Variants in RNF111 observed in about 807,000 individuals in gnomAD.
The protein encoded by RNF111 is E3 ubiquitin-protein ligase Arkadia.
RNF111 carries 17 observed loss-of-function variants against 95.1 expected under a neutral mutation model. That is an observed-to-expected ratio of 0.18 (90% CI 0.12 to 0.27). The LOEUF (loss-of-function observed/expected upper bound fraction) is 0.27, where lower values mean the gene tolerates loss of function less well. Ranked by LOEUF, RNF111 falls within the 10% of genes least tolerant of loss-of-function variation. The pLI is 1.00. For synonymous variants in RNF111, 440 were observed against 414.8 expected (o/e 1.06, Z -0.74); for missense variants, 1,189 against 1,210.4 (o/e 0.98, Z 0.26).
At chr15:59,002,134 G>A (rs2039350491) in intron 1 of RNF111, among the ~76,000 whole-genome samples, 1 of 152,136 alleles carries the variant, frequency 6.6e-6, no homozygotes, top group Non-Finnish European at 1.5e-5. Flanking sequence ...TTGGACCATG[G>A]TTGACCATAG....
At chr15:59,057,647 A>G (rs777424007) in intron 4 of RNF111, among the ~76,000 whole-genome samples, 4 of 152,176 alleles carry the variant, frequency 2.6e-5, no homozygotes, top group Non-Finnish European at 5.9e-5. Context: ...GAAAAATGTT[A>G]ATTTTTATTA....
chr15:59,054,139 A>C (rs1431073433), intron 3 of RNF111, among the ~76,000 whole-genome samples: 8 of 151,912 alleles, frequency 5.3e-5, no homozygotes, highest in African/African-American at 1.9e-4. Context: ...GGGTTTCAGC[A>C]TATTAGCCAG....
chr15:59,051,803 A>AAATG (rs1216619050), intron 2 of RNF111, among the ~76,000 whole-genome samples: 1 of 149,216 alleles, frequency 6.7e-6, no homozygotes, highest in South Asian at 2.1e-4. Context: ...ATAAATAAAT[A>AAATG]AATGAATAAA....
Position 59,096,285 on chromosome 15 carries a change from A to G in RNF111, c.*1385A>G, listed in dbSNP as rs1285143390. 2.6e-6 allele frequency: 1 copy of G among 382,248 alleles called. No individual in the cohort carries two copies. Among genetic ancestry groups the G allele is most frequent in the East Asian group, 3.7e-5 (1 of 26,832 alleles). The allele number at this position is 382,248 out of a possible 1,614,324, so 23.7% of individuals were successfully genotyped here. On this transcript the variant is annotated 3_prime_UTR_variant, in exon 14 of 14. Transcript: ENST00000348370. ...TTTAAATATGCTTAATATGCCCCAG[A>G]TTGCAAATGCATCCAGTCAGTAATA... is the stretch of plus-strand genomic sequence containing the variant.
At chr15:58,990,615 C>G (rs1343473290) in intron 1 of RNF111, among the ~76,000 whole-genome samples, 1 of 152,218 alleles carries the variant, frequency 6.6e-6, no homozygotes. Flanking sequence ...GTGCCACTCA[C>G]TGCACTCCAG....
At chr15:59,054,443 A>C (rs1404697068) in intron 3 of RNF111, among the ~76,000 whole-genome samples, 1 of 152,056 alleles carries the variant, frequency 6.6e-6, no homozygotes, top group Non-Finnish European at 1.5e-5. Context: ...AGCTATTAAC[A>C]GCTTCCCAGA....
intron 1 of RNF111, among the ~76,000 whole-genome samples, chr15:59,028,626 T>C (rs2040744679): frequency 6.6e-6 from 1 of 152,228 alleles, no homozygotes; most frequent in Non-Finnish European, 1.5e-5. Flanking sequence ...ATGGATTTAT[T>C]TATTCATCAG....
chr15:59,006,907 C>A (rs1304496045), intron 1 of RNF111, among the ~76,000 whole-genome samples: 1 of 152,076 alleles, frequency 6.6e-6, no homozygotes, highest in Non-Finnish European at 1.5e-5. Flanking sequence ...TGCCTCAGCC[C>A]CCCGAGTAGC....
chr15:59,085,865 A>AATATAGTGTT, intron 10 of RNF111, 80 bp downstream of exon 10: 1 of 1,138,682 alleles, frequency 8.8e-7, no homozygotes, highest in Non-Finnish European at 1.2e-6. Flanking sequence ...ACTTCACTAT[A>AATATAGTGTT]TTAATATAGA....
intron 1 of RNF111, among the ~76,000 whole-genome samples, chr15:59,028,931 C>T (rs1490283684): frequency 6.6e-6 from 1 of 151,988 alleles, no homozygotes; most frequent in Non-Finnish European, 1.5e-5. Context: ...AGTCAGTGCG[C>T]CACTATCCTG....
intron 2 of RNF111, among the ~76,000 whole-genome samples, chr15:59,046,014 T>A (rs542382492): frequency 1.4e-4 from 22 of 152,362 alleles, no homozygotes; most frequent in African/African-American, 5.3e-4. Flanking sequence ...TCAAATATTT[T>A]CACATCTCAT....
intron 3 of RNF111, among the ~76,000 whole-genome samples, chr15:59,053,133 T>C (rs1260915222): frequency 6.6e-6 from 1 of 152,146 alleles, no homozygotes; most frequent in Non-Finnish European, 1.5e-5. Context: ...ATTCAAAACA[T>C]ATGTTTTGAT....
intron 2 of RNF111, among the ~76,000 whole-genome samples, chr15:59,051,318 C>T (rs1468384449): frequency 6.6e-6 from 1 of 151,828 alleles, no homozygotes; most frequent in Non-Finnish European, 1.5e-5. Flanking sequence ...ATTAGCTGGG[C>T]CTGGTGGCAG....
At chr15:59,028,167 C>T (rs913569060) in intron 1 of RNF111, among the ~76,000 whole-genome samples, 1 of 152,192 alleles carries the variant, frequency 6.6e-6, no homozygotes, top group Non-Finnish European at 1.5e-5. Context: ...CGATGATCCC[C>T]AGCCCTAGGT....
chr15:59,078,629 C>T (rs962561684), intron 7 of RNF111, among the ~76,000 whole-genome samples: 26 of 150,396 alleles, frequency 1.7e-4, no homozygotes, highest in Non-Finnish European at 3.0e-4. Context: ...GAGGCCGAGG[C>T]GGGTGGATCA....
chr15:59,038,269 C>T (rs183153954), intron 2 of RNF111, among the ~76,000 whole-genome samples: 6 of 152,224 alleles, frequency 3.9e-5, no homozygotes, highest in Admixed American at 3.9e-4. Context: ...TCTCAAACTA[C>T]AAATATCATT....
intron 2 of RNF111, among the ~76,000 whole-genome samples, chr15:59,040,102 T>G (rs554359257): frequency 6.6e-6 from 1 of 152,100 alleles, no homozygotes; most frequent in East Asian, 1.9e-4. Context: ...GCTTTTGGCT[T>G]TTTTGAATTT....
intron 2 of RNF111, among the ~76,000 whole-genome samples, chr15:59,035,671 T>A (rs1330261034): frequency 6.6e-6 from 1 of 152,212 alleles, no homozygotes; most frequent in African/African-American, 2.4e-5. Flanking sequence ...CCCTAAATCA[T>A]CTCTCTCAAG....
intron 2 of RNF111, among the ~76,000 whole-genome samples, chr15:59,041,961 A>ATTTTTTTTTTTTTTT (rs79347638): frequency 5.0e-5 from 5 of 100,106 alleles, no homozygotes; most frequent in Admixed American, 1.0e-4. Context: ...GTCTGTTCAT[A>ATTTTTTTTTTTTTTT]TTTTTTTTTT....
Sources: allele counts gnomAD v4.1 joint callset (sites outside exome capture counted in the v4.1 genomes callset), GRCh38; gene constraint gnomAD v4.1.1; transcripts MANE v1.5; gene names NCBI Gene and HGNC (gene_info 2026-07-23, HGNC 2026-07-21).